Variants in MYO18B observed in about 807,000 individuals in gnomAD.
MYO18B encodes the protein unconventional myosin-XVIIIb.
In MYO18B, 204 loss-of-function variants were observed where a neutral mutation model predicts 273.0. The observed-to-expected ratio is 0.75, with a 90% CI of 0.67 to 0.84. The LOEUF (loss-of-function observed/expected upper bound fraction) is 0.84, where lower values mean the gene tolerates loss of function less well. MYO18B is among the 40% of genes least tolerant of loss of function. MYO18B has a pLI of 0.00. For synonymous variants in MYO18B, 1,330 were observed against 1,305.7 expected (o/e 1.02, Z -0.40); for missense variants, 3,212 against 3,287.6 (o/e 0.98, Z 0.56).
intron 11 of MYO18B, among the ~76,000 whole-genome samples, chr22:25,793,261 G>T (rs1388729462): frequency 1.3e-5 from 2 of 152,106 alleles, no homozygotes; most frequent in Non-Finnish European, 2.9e-5. Flanking sequence ...TTGAGACAGG[G>T]TCTTATTCTG....
intron 12 of MYO18B, among the ~76,000 whole-genome samples, chr22:25,817,428 C>G (rs1448264979): frequency 1.1e-5 from 1 of 87,562 alleles, no homozygotes; most frequent in Non-Finnish European, 2.7e-5. Context: ...TTTTCTTTCC[C>G]TTTCCTTTCC....
rs2093281082 is a variant in MYO18B at position 25,992,549 on chromosome 22, G to A, written c.6287+56G>A. On this transcript the variant is annotated intron_variant, in intron 40 of 43. Coordinates refer to ENST00000335473, the MANE Select transcript of MYO18B (RefSeq NM_032608.7). ...CGCAGCAGGTGGGCGGCATCCTGGG[G>A]AGCTCTATGCCCTTTAGCCGGGCTG... 1.9e-6 allele frequency: 3 copies of A among 1,609,214 alleles called. No individual in the cohort carries two copies. The South Asian group carries it at 3.3e-5, about 18-fold the overall frequency.
At chr22:25,819,934 A>C (rs975311799) in intron 12 of MYO18B, among the ~76,000 whole-genome samples, 1 of 149,794 alleles carries the variant, frequency 6.7e-6, no homozygotes, top group African/African-American at 2.5e-5. Flanking sequence ...ACTAATAAGT[A>C]CTGAGCTTTT....
chr22:25,895,923 TG>T (rs1414873848), intron 28 of MYO18B, among the ~76,000 whole-genome samples: 103 of 151,344 alleles, frequency 6.8e-4, no homozygotes, highest in African/African-American at 2.4e-3. Flanking sequence ...CATTGTGGAA[TG>T]TTTTTTTTTT....
chr22:25,751,199 C>T (rs992719834), intron 1 of MYO18B, among the ~76,000 whole-genome samples: 1 of 152,182 alleles, frequency 6.6e-6, no homozygotes, highest in African/African-American at 2.4e-5. Context: ...TGTCGTGTCC[C>T]CTCCTGCTAG....
At chr22:25,894,610 G>C (rs2091751788) in intron 27 of MYO18B, 1 of 152,184 alleles carries the variant, frequency 6.6e-6, no homozygotes, top group Non-Finnish European at 1.5e-5. Flanking sequence ...TTGAATTATT[G>C]CTAATTTACT....
intron 15 of MYO18B, among the ~76,000 whole-genome samples, chr22:25,830,509 C>T (rs564683330): frequency 1.2e-4 from 19 of 152,132 alleles, no homozygotes; most frequent in Admixed American, 1.0e-3. Context: ...TGGCAGGGCT[C>T]GCTCATGCGT....
At chr22:25,765,566 C>T (rs1388318742) in intron 3 of MYO18B, among the ~76,000 whole-genome samples, 2 of 152,198 alleles carry the variant, frequency 1.3e-5, no homozygotes, top group East Asian at 3.8e-4. Flanking sequence ...GGCCCTGCCG[C>T]TTTTTGTGGT....
At chr22:25,977,165 T>C (rs922797108) in intron 39 of MYO18B, among the ~76,000 whole-genome samples, 1 of 152,152 alleles carries the variant, frequency 6.6e-6, no homozygotes, top group African/African-American at 2.4e-5. Context: ...TGGTTCTCCT[T>C]CTCATATCCG....
At chr22:25,835,874 G>A (rs960862616) in intron 17 of MYO18B, among the ~76,000 whole-genome samples, 2 of 152,382 alleles carry the variant, frequency 1.3e-5, no homozygotes, top group Middle Eastern at 3.4e-3. Context: ...GGCTCAGACT[G>A]CAGAGGCTGT....
chr22:25,833,123 T>C (rs2089773705), intron 16 of MYO18B, 126 bp downstream of exon 16: 2 of 853,078 alleles, frequency 2.3e-6, no homozygotes, highest in African/African-American at 1.7e-5. Flanking sequence ...CCCGGGATCA[T>C]TGGCAACGTG....
intron 40 of MYO18B, among the ~76,000 whole-genome samples, chr22:25,995,881 T>C (rs961864981): frequency 7.9e-5 from 12 of 152,224 alleles, no homozygotes; most frequent in Non-Finnish European, 1.8e-4. Context: ...GTTTTTCCCT[T>C]GACTGGATCT....
At position 25,769,298 on chromosome 22, in the gene MYO18B, CAG is replaced by C. The variant is rs1485101622; in HGVS notation, c.1385_1386del (p.Glu462AlafsTer45). 11 of 1,581,548 alleles carry C rather than the reference CAG, an allele frequency of 7.0e-6. No homozygotes were observed. The highest frequency in any genetic ancestry group is 5.5e-5 in the Admixed American group (3 of 54,284). On this transcript the variant is annotated frameshift_variant, in exon 4 of 44. Coordinates refer to ENST00000335473, the MANE Select transcript of MYO18B (RefSeq NM_032608.7). LOFTEE classifies it high-confidence loss of function. The stretch of plus-strand genomic sequence containing the variant: ...GGTGATGGGGCTGGTGCCCTGGAGA[CAG>C]AGCTGGAAGGACCCAGCCAGCCTGC...
chr22:25,823,402 T>G, intron 12 of MYO18B, 103 bp from the exon 13 acceptor site: 1 of 1,285,318 alleles, frequency 7.8e-7, no homozygotes, highest in South Asian at 1.5e-5. Context: ...GAGGCTGGCC[T>G]GGAGATTGGG....
At chr22:25,755,497 C>T (rs895449095) in intron 1 of MYO18B, among the ~76,000 whole-genome samples, 13 of 152,184 alleles carry the variant, frequency 8.5e-5, no homozygotes, top group South Asian at 4.1e-4. Flanking sequence ...TGAGCCACCG[C>T]GCCCAGCCAC....
rs769977839 is a variant in MYO18B at position 25,769,018 on chromosome 22, G to A, written c.1102G>A (p.Asp368Asn). ...TSQVQGELGD[D>N]LRMGEKAGEL... is the part of the protein sequence containing the mutation. ...CCAAGTGCAGGGCGAGTTGGGGGAC[G>A]ATCTGAGAATGGGGGAGAAAGCAGG... The change falls in exon 4 of 44, where the codon GAT becomes AAT. Residue 368 changes from aspartate to asparagine, a missense_variant. Asp to Asn is a conservative substitution (Grantham distance 23). Coordinates refer to ENST00000335473, the MANE Select transcript of MYO18B (RefSeq NM_032608.7). 7 of 1,611,258 alleles carry A rather than the reference G, an allele frequency of 4.3e-6. No individual in the cohort carries two copies. Among genetic ancestry groups the A allele is most frequent in the South Asian group, 3.3e-5 (3 of 90,406 alleles).
At chr22:25,957,315 C>T (rs2092865080) in intron 39 of MYO18B, among the ~76,000 whole-genome samples, 1 of 152,180 alleles carries the variant, frequency 6.6e-6, no homozygotes, top group Non-Finnish European at 1.5e-5. Context: ...GTCCCCATTC[C>T]TGGGGCCATA....
chr22:25,916,718 T>C (rs183643318), intron 33 of MYO18B, among the ~76,000 whole-genome samples: 136 of 152,280 alleles, frequency 8.9e-4, no homozygotes, highest in African/African-American at 2.7e-3. Context: ...GTTGCTCTAG[T>C]TATTGGTAGA....
chr22:25,921,148 G>T, intron 33 of MYO18B, 109 bp from the exon 34 acceptor site: 2 of 1,126,558 alleles, frequency 1.8e-6, no homozygotes, highest in Non-Finnish European at 2.5e-6. Context: ...AAGGTCACAC[G>T]GTGTGAGTGG....
Sources: gnomAD v4.1 joint callset for allele counts (sites outside exome capture counted in the v4.1 genomes callset) on GRCh38, gnomAD v4.1.1 for gene constraint, MANE v1.5 for transcripts, NCBI Gene and HGNC (gene_info 2026-07-23, HGNC 2026-07-21) for gene names.